Variants in EXOC4 observed in about 807,000 individuals in gnomAD.
EXOC4 encodes exocyst complex component 4.
A neutral mutation model predicts 107.2 loss-of-function variants in EXOC4; 71 were observed. The ratio of observed to expected loss-of-function variants is 0.66; its 90% CI spans 0.55 to 0.81. The LOEUF (loss-of-function observed/expected upper bound fraction) is 0.81, where lower values mean the gene tolerates loss of function less well. Ranked by LOEUF, EXOC4 falls within the 30% of genes least tolerant of loss-of-function variation. EXOC4 has a pLI of 0.00. For synonymous variants in EXOC4, 456 were observed against 441.2 expected, an observed-to-expected ratio of 1.03 and a Z score of -0.42; for missense variants, 1,108 against 1,189.6, an observed-to-expected ratio of 0.93 and a Z score of 1.01.
intron 11 of EXOC4, among the ~76,000 whole-genome samples, chr7:133,828,084 A>G (rs1031111107): frequency 6.6e-6 from 1 of 152,030 alleles, no homozygotes; most frequent in Admixed American, 6.6e-5. Flanking sequence ...GTCCATTTTG[A>G]TCTTGTCTCA....
intron 7 of EXOC4, among the ~76,000 whole-genome samples, chr7:133,439,024 C>G (rs1418940633): frequency 1.3e-5 from 2 of 151,952 alleles, no homozygotes; most frequent in African/African-American, 4.8e-5. Context: ...GTGTGTTTGC[C>G]TATGTATGTA....
intron 11 of EXOC4, among the ~76,000 whole-genome samples, chr7:133,846,807 G>A (rs1382643893): frequency 1.3e-5 from 2 of 152,340 alleles, no homozygotes; most frequent in East Asian, 3.9e-4. Context: ...GTACTTTGCT[G>A]ACTCCTGGTA....
At chr7:133,545,007 C>T (rs536918218) in intron 9 of EXOC4, among the ~76,000 whole-genome samples, 34 of 151,336 alleles carry the variant, frequency 2.2e-4, no homozygotes, top group African/African-American at 7.5e-4. Context: ...TGTGTGTGTA[C>T]GTATGTATGT....
chr7:133,671,049 C>T (rs192113727), intron 10 of EXOC4, among the ~76,000 whole-genome samples: 48 of 152,202 alleles, frequency 3.2e-4, no homozygotes, highest in African/African-American at 1.1e-3. Flanking sequence ...CTGGGAGAGA[C>T]GCATTCCTGG....
intron 9 of EXOC4, among the ~76,000 whole-genome samples, chr7:133,542,417 C>T (rs1022326897): frequency 1.3e-4 from 20 of 151,942 alleles, no homozygotes; most frequent in Admixed American, 3.3e-4. Flanking sequence ...AGGGCAGGAC[C>T]CTTTCTGGAA....
chr7:133,499,199 A>G (rs1178602225), intron 9 of EXOC4, among the ~76,000 whole-genome samples: 1 of 151,494 alleles, frequency 6.6e-6, no homozygotes, highest in Non-Finnish European at 1.5e-5. Context: ...TGGCATACTT[A>G]GTAATTTAAT....
At chr7:133,467,658 C>T (rs1584940264) in intron 7 of EXOC4, among the ~76,000 whole-genome samples, 1 of 146,764 alleles carries the variant, frequency 6.8e-6, no homozygotes, top group East Asian at 2.0e-4. Context: ...TCTTGTTGGT[C>T]ATTTTAATGT....
At chr7:133,304,297 T>G (rs1794705209) in intron 3 of EXOC4, among the ~76,000 whole-genome samples, 1 of 152,194 alleles carries the variant, frequency 6.6e-6, no homozygotes, top group Non-Finnish European at 1.5e-5. Flanking sequence ...TTGTTGTTGT[T>G]TTTTCCTCCT....
intron 13 of EXOC4, among the ~76,000 whole-genome samples, chr7:133,923,820 A>G (rs185439766): frequency 2.6e-5 from 4 of 152,348 alleles, no homozygotes; most frequent in East Asian, 1.9e-4. Flanking sequence ...TAAGAAATCT[A>G]TGATTTACCA....
chr7:133,676,963 G>A (rs1330859830), intron 10 of EXOC4, among the ~76,000 whole-genome samples: 2 of 148,842 alleles, frequency 1.3e-5, no homozygotes, highest in African/African-American at 5.1e-5. Flanking sequence ...GTGTATGTGT[G>A]TGTGTGTGTG....
chr7:133,425,594 CTCTTA>C (rs1346803215), intron 7 of EXOC4, among the ~76,000 whole-genome samples: 3 of 152,146 alleles, frequency 2.0e-5, no homozygotes, highest in African/African-American at 7.2e-5. Flanking sequence ...GCTCAAGACA[CTCTTA>C]TCATTTAATC....
chr7:133,281,103 G>A (rs899339119), intron 2 of EXOC4, among the ~76,000 whole-genome samples: 3 of 152,010 alleles, frequency 2.0e-5, no homozygotes, highest in Admixed American at 6.6e-5. Context: ...AGTGGCAGCT[G>A]AAAAAACCCG....
chr7:133,355,013 A>G (rs1368778632), intron 5 of EXOC4, among the ~76,000 whole-genome samples: 1 of 152,124 alleles, frequency 6.6e-6, no homozygotes, highest in African/African-American at 2.4e-5. Context: ...GAACCCCCAA[A>G]ATAGGGACTG....
chr7:133,388,110 T>G (rs547229671), intron 7 of EXOC4, among the ~76,000 whole-genome samples: 10 of 152,180 alleles, frequency 6.6e-5, no homozygotes, highest in Admixed American at 3.3e-4. Context: ...TGCGATTATA[T>G]TTTTGTTTTG....
intron 10 of EXOC4, among the ~76,000 whole-genome samples, chr7:133,630,755 CAT>C (rs1282767225): frequency 1.3e-5 from 2 of 152,118 alleles, no homozygotes; most frequent in Admixed American, 6.5e-5. Flanking sequence ...ATACATCAAA[CAT>C]ATGTTTTTAT....
chr7:133,783,051 G>A (rs1796500097), intron 10 of EXOC4, among the ~76,000 whole-genome samples: 1 of 152,142 alleles, frequency 6.6e-6, no homozygotes, highest in African/African-American at 2.4e-5. Context: ...TTAAAATGGG[G>A]AAAATGGGAG....
At chr7:133,545,686 G>A (rs1165858027) in intron 9 of EXOC4, among the ~76,000 whole-genome samples, 2 of 152,102 alleles carry the variant, frequency 1.3e-5, no homozygotes, top group Non-Finnish European at 2.9e-5. Context: ...AATCTAGTTT[G>A]ACTACTGTCC....
chr7:133,345,625 TTTTG>T (rs1049291850), intron 5 of EXOC4, among the ~76,000 whole-genome samples: 33 of 152,290 alleles, frequency 2.2e-4, no homozygotes, highest in African/African-American at 7.2e-4. Flanking sequence ...CAGATGTCAA[TTTTG>T]TTTATTTATT....
At chr7:133,716,347 T>C (rs1440426059) in intron 10 of EXOC4, among the ~76,000 whole-genome samples, 1 of 152,176 alleles carries the variant, frequency 6.6e-6, no homozygotes, top group Admixed American at 6.5e-5. Flanking sequence ...CTGAAATACT[T>C]GTATATGGGA....
Sources: allele counts gnomAD v4.1 joint callset (sites outside exome capture counted in the v4.1 genomes callset), GRCh38; gene constraint gnomAD v4.1.1; transcripts MANE v1.5; gene names NCBI Gene and HGNC (gene_info 2026-07-23, HGNC 2026-07-21).